CTNNA3: variants seen among roughly 807,000 people sequenced by gnomAD.
CTNNA3 encodes catenin alpha-3.
Under a neutral mutation model 95.7 loss-of-function variants are expected in CTNNA3, and 76 were observed. The observed-to-expected ratio is 0.79, with a 90% CI of 0.66 to 0.96. CTNNA3 has a LOEUF of 0.96. CTNNA3 is among the 40% of genes least tolerant of loss of function. The pLI, the probability that CTNNA3 is intolerant of heterozygous loss-of-function variation, is 0.00. For synonymous variants in CTNNA3, 431 were observed against 374.4 expected (o/e 1.15, Z -1.74); for missense variants, 1,191 against 1,089.8 (o/e 1.09, Z -1.31).
intron 12 of CTNNA3, among the ~76,000 whole-genome samples, chr10:66,359,676 C>T (rs1225719017): frequency 6.6e-6 from 1 of 152,112 alleles, no homozygotes; most frequent in Non-Finnish European, 1.5e-5. Flanking sequence ...CCCAAACATT[C>T]ATTCTTCTTG....
chr10:66,869,986 C>T (rs1202833493), intron 7 of CTNNA3, among the ~76,000 whole-genome samples: 1 of 152,122 alleles, frequency 6.6e-6, no homozygotes, highest in African/African-American at 2.4e-5. Flanking sequence ...TTTCACAACA[C>T]TATATTCACT....
chr10:66,183,755 A>G (rs2086174767), intron 13 of CTNNA3, among the ~76,000 whole-genome samples: 1 of 152,210 alleles, frequency 6.6e-6, no homozygotes, highest in Admixed American at 6.5e-5. Context: ...TTTGGTTAGT[A>G]GTAAAAGGAA....
intron 7 of CTNNA3, among the ~76,000 whole-genome samples, chr10:67,051,247 T>C (rs1855070823): frequency 6.6e-6 from 1 of 152,240 alleles, no homozygotes; most frequent in African/African-American, 2.4e-5. Flanking sequence ...CTAAATTTTC[T>C]CCCAATTCAA....
chr10:67,204,768 A>G (rs2127597), intron 6 of CTNNA3, among the ~76,000 whole-genome samples: 9,848 of 152,168 alleles, frequency 0.065, 476 homozygotes, highest in African/African-American at 0.13. Context: ...ATGCCATGTG[A>G]GAGATGGAGT....
intron 1 of CTNNA3, among the ~76,000 whole-genome samples, chr10:67,664,233 C>T (rs1327361815): frequency 1.3e-5 from 2 of 152,070 alleles, no homozygotes; most frequent in African/African-American, 2.4e-5. Flanking sequence ...TTATTTAGAT[C>T]ACTCTGGTGT....
At chr10:66,657,052 A>G (rs1031373220) in intron 9 of CTNNA3, among the ~76,000 whole-genome samples, 1 of 152,112 alleles carries the variant, frequency 6.6e-6, no homozygotes, top group Admixed American at 6.5e-5. Flanking sequence ...AGTGTTTCTG[A>G]TGCAGTGCCA....
At chr10:67,317,570 C>T (rs1841111979) in intron 5 of CTNNA3, among the ~76,000 whole-genome samples, 1 of 152,038 alleles carries the variant, frequency 6.6e-6, no homozygotes, top group Non-Finnish European at 1.5e-5. Context: ...GGACTACAGG[C>T]ACCCATCACC....
intron 10 of CTNNA3, among the ~76,000 whole-genome samples, chr10:66,539,880 G>T (rs1841787625): frequency 6.6e-6 from 1 of 152,028 alleles, no homozygotes; most frequent in Admixed American, 6.5e-5. Flanking sequence ...TTATTCATAG[G>T]CACATTAAAT....
intron 5 of CTNNA3, among the ~76,000 whole-genome samples, chr10:67,483,576 G>A (rs1224451540): frequency 2.0e-5 from 3 of 151,724 alleles, no homozygotes; most frequent in East Asian, 2.0e-4. Context: ...CATGGACACA[G>A]GAAGGGGAAC....
At chr10:66,079,859 G>T (rs1405711379) in intron 14 of CTNNA3, among the ~76,000 whole-genome samples, 1 of 151,934 alleles carries the variant, frequency 6.6e-6, no homozygotes, top group Non-Finnish European at 1.5e-5. Context: ...ACTGAATATA[G>T]ATTATGTAAT....
At chr10:67,169,818 A>G (rs1387388793) in intron 7 of CTNNA3, among the ~76,000 whole-genome samples, 1 of 152,210 alleles carries the variant, frequency 6.6e-6, no homozygotes, top group Non-Finnish European at 1.5e-5. Flanking sequence ...CTATCAACAC[A>G]GTAAACAGAC....
intron 9 of CTNNA3, 69 bp downstream of exon 9, chr10:66,766,195 C>A: frequency 4.0e-6 from 6 of 1,510,482 alleles, no homozygotes; most frequent in Non-Finnish European, 5.4e-6. Context: ...AGGTACAATT[C>A]AACCATAAAT....
intron 7 of CTNNA3, among the ~76,000 whole-genome samples, chr10:66,893,683 A>G (rs1264259251): frequency 6.6e-6 from 1 of 152,254 alleles, no homozygotes; most frequent in South Asian, 2.1e-4. Flanking sequence ...CAATGGGGGG[A>G]AAATATGAGG....
intron 14 of CTNNA3, among the ~76,000 whole-genome samples, chr10:66,094,308 C>T (rs1481664141): frequency 1.3e-5 from 2 of 152,008 alleles, no homozygotes; most frequent in African/African-American, 2.4e-5. Flanking sequence ...TGAGAGCAGA[C>T]CCTGAAGTTC....
chr10:67,185,661 T>A (rs932421024), intron 6 of CTNNA3, among the ~76,000 whole-genome samples: 1 of 152,144 alleles, frequency 6.6e-6, no homozygotes, highest in African/African-American at 2.4e-5. Flanking sequence ...TTTGCCACTT[T>A]TACCACATCT....
intron 7 of CTNNA3, among the ~76,000 whole-genome samples, chr10:67,020,261 T>C (rs1210889011): frequency 6.6e-6 from 1 of 152,144 alleles, no homozygotes; most frequent in South Asian, 2.1e-4. Context: ...AGAACTATTA[T>C]GTGGGAGGGG....
intron 1 of CTNNA3, among the ~76,000 whole-genome samples, chr10:67,730,027 A>C (rs1386915018): frequency 6.6e-6 from 1 of 152,172 alleles, no homozygotes; most frequent in African/African-American, 2.4e-5. Flanking sequence ...ATAAACCAAA[A>C]AATAAATAAT....
chr10:66,131,667 A>G (rs2083109450), intron 13 of CTNNA3, among the ~76,000 whole-genome samples: 1 of 152,190 alleles, frequency 6.6e-6, no homozygotes, highest in Non-Finnish European at 1.5e-5. Context: ...GGACTATGGT[A>G]ACAAAAACAG....
intron 5 of CTNNA3, among the ~76,000 whole-genome samples, chr10:67,342,099 C>CTTTTTTTTTTTTTTTTTTTTTTTTTTTT (rs764381058): frequency 2.4e-5 from 2 of 83,658 alleles, no homozygotes; most frequent in Non-Finnish European, 4.3e-5. Context: ...TATTTTTCTT[C>CTTTTTTTTTTTTTTTTTTTTTTTTTTTT]TTTTTTTTTT....
Sources: gnomAD v4.1 joint callset for allele counts (sites outside exome capture counted in the v4.1 genomes callset) on GRCh38, gnomAD v4.1.1 for gene constraint, MANE v1.5 for transcripts, NCBI Gene and HGNC (gene_info 2026-07-23, HGNC 2026-07-21) for gene names.